The following FZD4 variants were observed in gnomAD, a reference collection of about 807,000 sequenced individuals.
FZD4 encodes frizzled class receptor 4.
FZD4 carries 16 observed loss-of-function variants against 37.3 expected under a neutral mutation model. The ratio of observed to expected loss-of-function variants is 0.43; its 90% CI spans 0.29 to 0.65. The LOEUF (loss-of-function observed/expected upper bound fraction) is 0.65, where lower values mean the gene tolerates loss of function less well. Ranked by LOEUF, FZD4 falls within the 30% of genes least tolerant of loss-of-function variation. FZD4 has a pLI of 0.16. For missense variants in FZD4, 599 were observed against 674.3 expected (o/e 0.89, Z 1.24); for synonymous variants, 246 against 254.8 (o/e 0.97, Z 0.33).
chr11:86,953,407 G>C (rs778416180), intron 1 of FZD4, among the ~76,000 whole-genome samples: 1 of 152,160 alleles, frequency 6.6e-6, no homozygotes, highest in Non-Finnish European at 1.5e-5. Flanking sequence ...GAGAGCTGGA[G>C]GATCATTTCT....
At position 86,947,201 on chromosome 11, in the gene FZD4, T is replaced by TCAAA. The variant is rs34325935; in HGVS notation, c.*3937_*3940dup. On this transcript the variant is annotated 3_prime_UTR_variant, in exon 2 of 2. Coordinates refer to ENST00000531380, the MANE Select transcript of FZD4 (RefSeq NM_012193.4). ...CTGGGTGACAGAGCAAGACCCTGTC[T>TCAAA]CAAACAAACAAACAAACAAACAAAC... 2,799 of 165,506 alleles carry TCAAA rather than the reference T, an allele frequency of 0.017. 61 individuals are homozygous for TCAAA. Among genetic ancestry groups the TCAAA allele is most frequent in the Middle Eastern group, 0.023 (8 of 348 alleles). 10.3% of individuals were successfully genotyped at this position (165,506 alleles called of 1,614,324 possible). A position where few individuals can be genotyped will look rare whatever the true frequency, so the allele number is the denominator to read the frequency against.
At position 86,947,236 on chromosome 11, in the gene FZD4, AC is replaced by A; in HGVS notation, c.*3905del. The A allele has an allele frequency of 5.8e-6, 1 of 170,990 alleles. No homozygotes were observed. Among genetic ancestry groups the A allele is most frequent in the East Asian group, 1.7e-4 (1 of 5,762 alleles). The allele number at this position is 170,990 out of a possible 1,614,324, so 10.6% of individuals were successfully genotyped here. On this transcript the variant is annotated 3_prime_UTR_variant, in exon 2 of 2. Transcript: ENST00000531380. ...AAACAAACAAACAAACAAACAAACA[AC>A]AAAAAAAAGGTTCCTTCCAAAGTCT...
chr11:86,952,079 C>G lies in FZD4; in HGVS notation c.677G>C (p.Trp226Ser). Residue 226 changes from tryptophan (W) to serine (S), a missense_variant, in exon 2 of 2, where the codon TGG becomes TCG. This residue lies in a region of FZD4 where 357 missense variants were observed against 396.1 expected (regional missense o/e 0.90). Transcript: ENST00000531380. ...KEFTDIWMAV[W>S]ASLCFISTAF... ...AGTGGAGATGAAACACAGGCTGGCC[C>G]ACACAGCCATCCAGATATCAGTGAA... 1 of 1,614,068 alleles carries G rather than the reference C, an allele frequency of 6.2e-7. No homozygotes were observed.
rs1380068228 is a variant in FZD4 at position 86,946,111 on chromosome 11, G to A, written c.*5031C>T. On this transcript the variant is annotated 3_prime_UTR_variant, in exon 2 of 2. Transcript: ENST00000531380. Reference sequence around the variant, plus strand: ...TCAAGCCTCACAACATCCCTGTGAGGTAGACAAAATTCAGAAACACCTCCA... The same window carrying A: ...TCAAGCCTCACAACATCCCTGTGAGATAGACAAAATTCAGAAACACCTCCA... The A allele has an allele frequency of 6.6e-6, 1 of 152,422 alleles. No individual in the cohort carries two copies. The highest frequency in any genetic ancestry group is 1.5e-5 in the Non-Finnish European group (1 of 68,038). 9.4% of individuals were successfully genotyped at this position (152,422 alleles called of 1,614,324 possible).
In FZD4 at chr11:86,951,459, G is replaced by T. The variant is rs748018430; in HGVS notation, c.1297C>A (p.Leu433Met). The change falls in exon 2 of 2, where the codon CTG (leucine) becomes ATG (methionine). Residue 433 changes from leucine to methionine, a missense_variant. Around this residue, in one of 3 missense-constraint regions of FZD4, gnomAD observed 203 missense variants for 196.8 expected, o/e 1.03. Coordinates refer to ENST00000531380, the MANE Select transcript of FZD4 (RefSeq NM_012193.4). ...GAGAACACCCCAATCTTGACCATCA[G>T]TCTTTCTAACTTGTCTGTCTTTGTC... The part of the protein sequence containing the change: ...DGTKTDKLER[L>M]MVKIGVFSVL... 3 of 1,613,922 alleles carry T rather than the reference G, an allele frequency of 1.9e-6. No homozygotes were observed.
In FZD4 at chr11:86,952,365, C is replaced by T. The variant is rs775174655; in HGVS notation, c.391G>A (p.Val131Ile). The T allele has an allele frequency of 1.4e-5, 22 of 1,614,054 alleles. No homozygotes were observed. Among genetic ancestry groups the T allele is most frequent in the East Asian group, 1.1e-4 (5 of 44,906 alleles). Residue 131 changes from valine (V) to isoleucine (I), a missense_variant, in exon 2 of 2, where the codon GTC (valine) becomes ATC (isoleucine). By Grantham distance (29) the Val-to-Ile change is conservative. Transcript: ENST00000531380. ...CLSVKRRCEP[V>I]LKEFGFAWPE... ...CAGGCAAATCCAAATTCCTTCAGGA[C>T]GGGTTCACAGCGTCTCTTGACTGAA...
rs1348946126 is a variant in FZD4, at chr11:86,946,615, T to C, written c.*4527A>G. 3 of 152,534 alleles carry C rather than the reference T, an allele frequency of 2.0e-5. No individual in the cohort carries two copies. The highest frequency in any genetic ancestry group is 6.5e-5 in the Admixed American group (1 of 15,284). The allele number at this position is 152,534 out of a possible 1,614,324, so 9.4% of individuals were successfully genotyped here. A position where few individuals can be genotyped will look rare whatever the true frequency, so the allele number is the denominator to read the frequency against. On this transcript the variant is annotated 3_prime_UTR_variant, in exon 2 of 2. Coordinates refer to ENST00000531380, the MANE Select transcript of FZD4 (RefSeq NM_012193.4). ...CAAGAGACAGCAACAGAAAGCTCTA[T>C]GTAGGCTAGAGTGAAATGAAATCTA...
rs1315324945 is a variant in FZD4 at position 86,951,372 on chromosome 11, A to G, written c.1384T>C (p.Trp462Arg). ...TCTGCAGAATACCGAAAAAGTGCCC[A>G]GTTGGAGATTTCATAAAAATAACAG... is the stretch of plus-strand genomic sequence containing the variant. ...IACYFYEISNWALFRYSADDS... is the reference protein window; with the variant it reads ...IACYFYEISNRALFRYSADDS... Residue 462 changes from tryptophan to arginine, a missense_variant, in exon 2 of 2, where the codon TGG becomes CGG. Around this residue, in one of 3 missense-constraint regions of FZD4, gnomAD observed 203 missense variants for 196.8 expected, o/e 1.03. Transcript: ENST00000531380. 3 of 1,614,064 alleles carry G rather than the reference A, an allele frequency of 1.9e-6. No homozygotes were observed. Among genetic ancestry groups the G allele is most frequent in the Non-Finnish European group, 2.5e-6 (3 of 1,179,876 alleles).
In FZD4 at chr11:86,954,946, G is replaced by T; in HGVS notation, c.140C>A (p.Pro47His). Residue 47 changes from proline to histidine, a missense_variant, in exon 1 of 2, where the codon CCC (proline) becomes CAC (histidine). This residue lies in a region of FZD4 where 357 missense variants were observed against 396.1 expected (regional missense o/e 0.90). Coordinates refer to ENST00000531380, the MANE Select transcript of FZD4 (RefSeq NM_012193.4). ...GTTCTGGCACATGGAGATGCGGATG[G>T]GGTCGCAGCGCCGCTCTTCCTCGTC... Reference protein sequence around the residue: ...FGDEEERRCDPIRISMCQNLG... With the variant: ...FGDEEERRCDHIRISMCQNLG... 6.2e-7 allele frequency: 1 copy of T among 1,613,536 alleles called. No individual in the cohort carries two copies. Among genetic ancestry groups the T allele is most frequent in the South Asian group, 1.1e-5 (1 of 91,058 alleles).
At chr11:86,954,754 G>A (rs963664706) in intron 1 of FZD4, 47 bp downstream of exon 1, 1 of 1,552,404 alleles carries the variant, frequency 6.4e-7, no homozygotes, top group Non-Finnish European at 8.7e-7. Flanking sequence ...AGTTTGGAGC[G>A]TCCCTCCCCA....
At chr11:86,954,668 G>A in intron 1 of FZD4, 133 bp downstream of exon 1, 2 of 1,439,640 alleles carry the variant, frequency 1.4e-6, no homozygotes, top group Non-Finnish European at 1.8e-6. Flanking sequence ...GTGGGGGTGG[G>A]GATGGAAATC....
Position 86,951,962 on chromosome 11 carries a change from T to A in FZD4, c.794A>T (p.Tyr265Phe), listed in dbSNP as rs1170992645. ...CAGCCTGACAATATAAGCAATGCTA[T>A]AAATATTATAGCACATACTGAGAAA... is the stretch of plus-strand genomic sequence containing the variant. Reference protein sequence around the residue: ...IIFLSMCYNIYSIAYIVRLTV... With the variant: ...IIFLSMCYNIFSIAYIVRLTV... Residue 265 changes from tyrosine (Y) to phenylalanine (F), a missense_variant, in exon 2 of 2, where the codon TAT becomes TTT. Around this residue, in one of 3 missense-constraint regions of FZD4, gnomAD observed 357 missense variants for 396.1 expected, o/e 0.90. Transcript: ENST00000531380. The A allele has an allele frequency of 6.2e-7, 1 of 1,613,922 alleles. No individual in the cohort carries two copies. The highest frequency in any genetic ancestry group is 8.5e-7 in the Non-Finnish European group (1 of 1,179,968).
chr11:86,955,073 C>G lies in FZD4; in HGVS notation c.13G>C (p.Gly5Arg). 4 of 1,557,360 alleles carry G rather than the reference C, an allele frequency of 2.6e-6. No homozygotes were observed. The highest frequency in any genetic ancestry group is 3.5e-6 in the Non-Finnish European group (4 of 1,156,236). The stretch of plus-strand genomic sequence containing the variant: ...GCCCCCGGGACGCTCGGCCCTGCGC[C>G]CCGCCAGGCCATGGCCAGCATCGGG... MAWR[G>R]AGPSVPGAPG... Residue 5 changes from glycine to arginine, a missense_variant, in exon 1 of 2, where the codon GGC (glycine) becomes CGC (arginine). Gly to Arg is a moderately radical substitution (Grantham distance 125). Transcript: ENST00000531380.
rs781192701 is a variant in FZD4, at chr11:86,951,333, C to T, written c.1423G>A (p.Ala475Thr). Residue 475 changes from alanine (A) to threonine (T), a missense_variant, in exon 2 of 2, where the codon GCT becomes ACT. Ala to Thr is a moderately conservative substitution (Grantham distance 58, BLOSUM62 0). Coordinates refer to ENST00000531380, the MANE Select transcript of FZD4 (RefSeq NM_012193.4). The stretch of plus-strand genomic sequence containing the variant: ...ATAAAAATTTTCAACATTTCAACAG[C>T]CATGTTGGAATCATCTGCAGAATAC... ...FRYSADDSNMAVEMLKIFMSL... is the reference protein window; with the variant it reads ...FRYSADDSNMTVEMLKIFMSL... 2 of 1,612,706 alleles carry T rather than the reference C, an allele frequency of 1.2e-6. No individual in the cohort carries two copies. Among genetic ancestry groups the T allele is most frequent in the Non-Finnish European group, 1.7e-6 (2 of 1,178,858 alleles).
rs766574964 is a variant in FZD4, at chr11:86,951,631, G to A, written c.1125C>T (p.Gly375=). ...GATTTTGGTTTCCAACATAGCACAA[G>A]CCAGTCAGTTCATCTGCATCCACCA... ...MRLVDADELT[G]LCYVGNQNLD... Residue 375 remains glycine, a synonymous_variant, in exon 2 of 2, where the codon GGC becomes GGT. Transcript: ENST00000531380. 7.4e-6 allele frequency: 12 copies of A among 1,614,050 alleles called. No homozygotes were observed. The South Asian group carries it at 9.9e-5, about 13-fold the overall frequency.
chr11:86,951,639 G>C lies in FZD4; in HGVS notation c.1117C>G (p.Leu373Val). The change falls in exon 2 of 2, where the codon CTG (leucine) becomes GTG (valine). Residue 373 changes from leucine to valine, a missense_variant. Leu to Val is a conservative substitution (Grantham distance 32, BLOSUM62 1). Around this residue, in one of 3 missense-constraint regions of FZD4, gnomAD observed 203 missense variants for 196.8 expected, o/e 1.03. Coordinates refer to ENST00000531380, the MANE Select transcript of FZD4 (RefSeq NM_012193.4). ...TTTCCAACATAGCACAAGCCAGTCA[G>C]TTCATCTGCATCCACCAGTCTCATA... is the stretch of plus-strand genomic sequence containing the variant. ...LIMRLVDADELTGLCYVGNQN... is the reference protein window; with the variant it reads ...LIMRLVDADEVTGLCYVGNQN... 2.5e-6 allele frequency: 4 copies of C among 1,614,172 alleles called. No individual in the cohort carries two copies. The highest frequency in any genetic ancestry group is 2.2e-5 in the South Asian group (2 of 91,080).
chr11:86,955,236 A>G lies in FZD4; in HGVS notation c.-151T>C, dbSNP rs1472081892. 5.3e-6 allele frequency: 3 copies of G among 568,346 alleles called. No individual in the cohort carries two copies. The highest frequency in any genetic ancestry group is 2.0e-5 in the African/African-American group (1 of 49,940). The allele number at this position is 568,346 out of a possible 1,614,324, so 35.2% of individuals were successfully genotyped here. A position where few individuals can be genotyped will look rare whatever the true frequency, so the allele number is the denominator to read the frequency against. ...AGGGGGCAGCGGCCGGCTCTCCAGCAGCTGCGCGCGACTGTGTGGGATTTT... is the reference window on the plus strand; with the variant it reads ...AGGGGGCAGCGGCCGGCTCTCCAGCGGCTGCGCGCGACTGTGTGGGATTTT... On this transcript the variant is annotated 5_prime_UTR_variant, in exon 1 of 2. Transcript: ENST00000531380.
In FZD4 at chr11:86,948,839, C is replaced by G. The variant is rs534024297; in HGVS notation, c.*2303G>C. On this transcript the variant is annotated 3_prime_UTR_variant, in exon 2 of 2. Coordinates refer to ENST00000531380, the MANE Select transcript of FZD4 (RefSeq NM_012193.4). ...AAACTGCATTACAAACCTCTATACTCTAACAGCAAGACCAGTCCCCTACCG... is the reference window on the plus strand; with the variant it reads ...AAACTGCATTACAAACCTCTATACTGTAACAGCAAGACCAGTCCCCTACCG... The G allele has an allele frequency of 1.3e-5, 2 of 152,668 alleles. No homozygotes were observed. The highest frequency in any genetic ancestry group is 4.8e-5 in the African/African-American group (2 of 41,460). 9.5% of individuals were successfully genotyped at this position (152,668 alleles called of 1,614,324 possible).
Position 86,955,361 on chromosome 11 carries a change from C to G in FZD4, c.-276G>C, listed in dbSNP as rs1020252180. On this transcript the variant is annotated 5_prime_UTR_variant, in exon 1 of 2. Transcript: ENST00000531380. ...CGGCCGCGTCCGTTCGGCGTCTCCG[C>G]GAGGCCAGCCAGCAGCCAGCGCTGC... is the stretch of plus-strand genomic sequence containing the variant. The G allele has an allele frequency of 4.7e-5, 16 of 341,408 alleles. No individual in the cohort carries two copies. Among genetic ancestry groups the G allele is most frequent in the Non-Finnish European group, 5.3e-6 (1 of 190,282 alleles). The allele number at this position is 341,408 out of a possible 1,614,324, so 21.1% of individuals were successfully genotyped here. A position where few individuals can be genotyped will look rare whatever the true frequency, so the allele number is the denominator to read the frequency against.
Sources: gnomAD v4.1 joint callset for allele counts (sites outside exome capture counted in the v4.1 genomes callset) on GRCh38, gnomAD v4.1.1 for gene constraint, gnomAD v4.1.1 regional missense constraint, MANE v1.5 for transcripts, NCBI Gene and HGNC (gene_info 2026-07-23, HGNC 2026-07-21) for gene names.